PSMB7: variants seen among roughly 807,000 people sequenced by gnomAD.
PSMB7 encodes the protein proteasome subunit beta type-7.
A neutral mutation model predicts 28.1 loss-of-function variants in PSMB7; 5 were observed. That is an observed-to-expected ratio of 0.18 (90% confidence interval 0.09 to 0.37). The LOEUF is 0.37. Ranked by LOEUF, PSMB7 falls within the 10% of genes least tolerant of loss-of-function variation. The pLI is 1.00. For missense variants in PSMB7, 275 were observed against 346.2 expected (o/e 0.79, Z 1.63); for synonymous variants, 122 against 123.7 (o/e 0.99, Z 0.09).
In PSMB7 at chr9:124,353,509, A is replaced by G; in HGVS notation, c.*89T>C. Reference sequence around the variant, plus strand: ...TTTGTTTTTTATTGAGTTGAGTTTCATTCGGCAAACACTAGCCACATGAGT... The same window carrying G: ...TTTGTTTTTTATTGAGTTGAGTTTCGTTCGGCAAACACTAGCCACATGAGT... On this transcript the variant is annotated 3_prime_UTR_variant, in exon 8 of 8. Transcript: ENST00000259457. 3.0e-6 allele frequency: 3 copies of G among 1,016,740 alleles called. No individual in the cohort carries two copies. Among genetic ancestry groups the G allele is most frequent in the South Asian group, 2.6e-5 (2 of 75,620 alleles). The allele number at this position is 1,016,740 out of a possible 1,614,324, so 63.0% of individuals were successfully genotyped here.
intron 6 of PSMB7, among the ~76,000 whole-genome samples, chr9:124,376,652 G>C (rs1261824979): frequency 6.6e-6 from 1 of 152,200 alleles, no homozygotes; most frequent in Non-Finnish European, 1.5e-5. Flanking sequence ...GTCTTTCCCA[G>C]TCTTGTTAAA....
At chr9:124,404,680 C>G (rs10760358) in intron 5 of PSMB7, among the ~76,000 whole-genome samples, 61,393 of 151,750 alleles carry the variant, frequency 0.4, 12,653 homozygotes, top group African/African-American at 0.44. Flanking sequence ...GGTGAAACCC[C>G]ATCTCTACTA....
intron 5 of PSMB7, among the ~76,000 whole-genome samples, chr9:124,391,182 C>G (rs771557884): frequency 6.6e-6 from 1 of 152,198 alleles, no homozygotes; most frequent in Non-Finnish European, 1.5e-5. Flanking sequence ...GCTCTTCAGG[C>G]ATGGCAAGTA....
intron 7 of PSMB7, among the ~76,000 whole-genome samples, chr9:124,355,878 T>G (rs534322259): frequency 6.6e-6 from 1 of 152,332 alleles, no homozygotes; most frequent in African/African-American, 2.4e-5. Flanking sequence ...TTCTGAACGT[T>G]CCATTCCTTC....
chr9:124,404,170 T>C (rs550710616), intron 5 of PSMB7, among the ~76,000 whole-genome samples: 6 of 152,126 alleles, frequency 3.9e-5, no homozygotes, highest in Non-Finnish European at 8.8e-5. Context: ...ATTACAGGCA[T>C]GAGCCACCGT....
chr9:124,383,571 G>T (rs1246392329), intron 6 of PSMB7: 1 of 152,138 alleles, frequency 6.6e-6, no homozygotes, highest in South Asian at 2.1e-4. Flanking sequence ...ATGACACTTG[G>T]TGCTCCAATG....
At chr9:124,394,623 ACCATTTTGTCT>A in intron 5 of PSMB7, among the ~76,000 whole-genome samples, 1 of 152,240 alleles carries the variant, frequency 6.6e-6, no homozygotes, top group East Asian at 1.9e-4. Context: ...TCAATACCTC[ACCATTTTGTCT>A]ATAAAAGGTG....
intron 5 of PSMB7, among the ~76,000 whole-genome samples, chr9:124,395,995 T>C (rs1420398169): frequency 6.6e-6 from 1 of 152,202 alleles, no homozygotes; most frequent in Non-Finnish European, 1.5e-5. Flanking sequence ...CACATGCTTC[T>C]AAAGCCTCTT....
intron 7 of PSMB7, among the ~76,000 whole-genome samples, chr9:124,355,710 A>G (rs1274257910): frequency 6.6e-6 from 1 of 152,080 alleles, no homozygotes; most frequent in Non-Finnish European, 1.5e-5. Flanking sequence ...GTTTAGCTCC[A>G]TTTCCAAGAC....
Position 124,384,762 on chromosome 9 carries a change from T to G in PSMB7, c.512-106A>C, listed in dbSNP as rs1473616150. On this transcript the variant is annotated intron_variant, in intron 5 of 7. Coordinates refer to ENST00000259457, the MANE Select transcript of PSMB7 (RefSeq NM_002799.4). ...ACAGCAAAACATGCCCAGTGTCTCA[T>G]TCAAGTACAGTGTAAATATTAATTC... is the stretch of plus-strand genomic sequence containing the variant. The G allele has an allele frequency of 4.2e-6, 4 of 947,828 alleles. No individual in the cohort carries two copies. In the Admixed American group the frequency reaches 8.2e-5, roughly 19 times the overall value. 58.7% of individuals were successfully genotyped at this position (947,828 alleles called of 1,614,324 possible).
chr9:124,414,400 CT>C (rs1036330879), intron 2 of PSMB7, among the ~76,000 whole-genome samples: 3 of 152,102 alleles, frequency 2.0e-5, no homozygotes, highest in African/African-American at 4.8e-5. Context: ...ATCATTATCC[CT>C]TTTGACGTTT....
At chr9:124,360,029 T>C (rs1044775524) in intron 6 of PSMB7, among the ~76,000 whole-genome samples, 2 of 152,218 alleles carry the variant, frequency 1.3e-5, no homozygotes, top group African/African-American at 2.4e-5. Context: ...TATAGGGACC[T>C]ACTATGTTCC....
chr9:124,361,398 T>C (rs1830464464), intron 6 of PSMB7, among the ~76,000 whole-genome samples: 1 of 152,152 alleles, frequency 6.6e-6, no homozygotes, highest in Non-Finnish European at 1.5e-5. Context: ...CACGTAATGG[T>C]CACCACAGCT....
At position 124,368,554 on chromosome 9, in the gene PSMB7, A is replaced by G. The variant is rs188027563; in HGVS notation, c.571-11639T>C. Among the ~76,000 whole-genome samples, 22 of 152,350 alleles carry G rather than the reference A, an allele frequency of 1.4e-4. No homozygotes were observed. The East Asian group carries it at 3.7e-3, about 25-fold the overall frequency. On this transcript the variant is annotated intron_variant, in intron 6 of 7. Transcript: ENST00000259457. The stretch of plus-strand genomic sequence containing the variant: ...AAACATTGACATTTCCCTAAAATAC[A>G]TGTAATAAAACCTCTCAGCAAACAG...
chr9:124,365,890 G>C (rs576607185), intron 6 of PSMB7, among the ~76,000 whole-genome samples: 1 of 152,284 alleles, frequency 6.6e-6, no homozygotes, highest in East Asian at 1.9e-4. Flanking sequence ...ACTCCAGCCT[G>C]AGAGACAGAG....
chr9:124,405,305 C>T lies in PSMB7; in HGVS notation c.511+12G>A, dbSNP rs1309095474. On this transcript the variant is annotated intron_variant, in intron 5 of 7. Coordinates refer to ENST00000259457, the MANE Select transcript of PSMB7 (RefSeq NM_002799.4). ...AGAGTACTCTTAAACATCAGGAAAACGTTACACTCACCCATGGTGACATAA... is the reference window on the plus strand; with the variant it reads ...AGAGTACTCTTAAACATCAGGAAAATGTTACACTCACCCATGGTGACATAA... The T allele has an allele frequency of 3.8e-6, 6 of 1,562,052 alleles. No homozygotes were observed. Among genetic ancestry groups the T allele is most frequent in the African/African-American group, 1.4e-5 (1 of 73,666 alleles).
intron 4 of PSMB7, 90 bp from the exon 5 acceptor site, chr9:124,405,522 C>G: frequency 1.2e-6 from 1 of 850,168 alleles, no homozygotes; most frequent in East Asian, 2.5e-5. Context: ...AGTCAGGTAA[C>G]AAAAAGTTTT....
chr9:124,413,878 TAA>T (rs1240958468), intron 3 of PSMB7, 28 bp downstream of exon 3: 5 of 1,462,212 alleles, frequency 3.4e-6, no homozygotes, highest in African/African-American at 1.4e-5. Context: ...TTTGAAAATA[TAA>T]GAGTTATTCA....
chr9:124,366,988 G>A (rs1176446743), intron 6 of PSMB7, among the ~76,000 whole-genome samples: 1 of 152,236 alleles, frequency 6.6e-6, no homozygotes, highest in Non-Finnish European at 1.5e-5. Context: ...CTCAGAATGT[G>A]TCCCTGTCGT....
Sources: gnomAD v4.1 joint callset for allele counts (sites outside exome capture counted in the v4.1 genomes callset) on GRCh38, gnomAD v4.1.1 for gene constraint, MANE v1.5 for transcripts, NCBI Gene and HGNC (gene_info 2026-07-23, HGNC 2026-07-21) for gene names.